Variants in ZNF106 observed in about 807,000 individuals in gnomAD.
The protein encoded by ZNF106 is zinc finger protein 106, also known as SH3-domain binding protein 3.
Under a neutral mutation model 195.1 loss-of-function variants are expected in ZNF106, and 67 were observed. That is an observed-to-expected ratio of 0.34 (90% confidence interval 0.28 to 0.42). The LOEUF (loss-of-function observed/expected upper bound fraction) is 0.42, where lower values mean the gene tolerates loss of function less well. Among genes scored for constraint, ZNF106 ranks in the 10% least tolerant of loss-of-function variants. The probability of loss-of-function intolerance (pLI) is 1.00; values close to 1 mark genes in which losing one functional copy is unlikely to be tolerated. For missense variants in ZNF106, 2,118 were observed against 2,304.5 expected (o/e 0.92, Z 1.66); for synonymous variants, 784 against 818.6 (o/e 0.96, Z 0.72).
Position 42,450,758 on chromosome 15 carries a change from GAAA to G in ZNF106, c.1511_1513del (p.Phe504del), listed in dbSNP as rs1198467282. 3 of 1,613,948 alleles carry G rather than the reference GAAA, an allele frequency of 1.9e-6. No individual in the cohort carries two copies. The highest frequency in any genetic ancestry group is 2.5e-6 in the Non-Finnish European group (3 of 1,179,972). On this transcript the variant is annotated inframe_deletion, in exon 5 of 22. Transcript: ENST00000564754. ...CGAGGGATTTGAGTGTTCTCCAGGGGAAAAAAAATTTGTTTTGGTGTTTTTTGA... is the reference window on the plus strand; with the variant it reads ...CGAGGGATTTGAGTGTTCTCCAGGGGAAAAATTTGTTTTGGTGTTTTTTGA...
intron 14 of ZNF106, among the ~76,000 whole-genome samples, chr15:42,433,585 T>G (rs1302872301): frequency 2.7e-5 from 4 of 148,120 alleles, no homozygotes; most frequent in Non-Finnish European, 4.5e-5. Flanking sequence ...TGGGTTCAAG[T>G]GATTCTCCAG....
chr15:42,466,220 C>A, intron 2 of ZNF106, 106 bp from the exon 3 acceptor site: 1 of 718,700 alleles, frequency 1.4e-6, no homozygotes, highest in Non-Finnish European at 2.1e-6. Context: ...CTCCTTATGT[C>A]AAAATGTGTT....
At chr15:42,471,731 C>A (rs1341244906) in intron 2 of ZNF106, among the ~76,000 whole-genome samples, 1 of 151,108 alleles carries the variant, frequency 6.6e-6, no homozygotes, top group African/African-American at 2.4e-5. Flanking sequence ...GTCTCCATTT[C>A]AAAAAAAAAG....
rs531354919 is a variant in ZNF106, at chr15:42,417,286, C to A, written c.*18G>T. On this transcript the variant is annotated 3_prime_UTR_variant, in exon 22 of 22. Transcript: ENST00000564754. ...AATAGTTCAACTAATGACTTCCCAA[C>A]GTGGGAGGCAAAAAACTTCATGAAT... 8.7e-6 allele frequency: 14 copies of A among 1,613,756 alleles called. No individual in the cohort carries two copies. The East Asian group carries it at 2.9e-4, about 33-fold the overall frequency.
At chr15:42,481,655 G>A (rs541369028) in intron 1 of ZNF106, among the ~76,000 whole-genome samples, 17 of 152,050 alleles carry the variant, frequency 1.1e-4, no homozygotes, top group African/African-American at 3.1e-4. Context: ...CACTACACCC[G>A]GTCCCATATT....
chr15:42,436,039 TG>T (rs1342251783), intron 13 of ZNF106, among the ~76,000 whole-genome samples: 1 of 151,702 alleles, frequency 6.6e-6, no homozygotes, highest in African/African-American at 2.4e-5. Flanking sequence ...CTGCAAGCTC[TG>T]CCTCCTGGGT....
chr15:42,429,349 G>T (rs2054972000), intron 14 of ZNF106, among the ~76,000 whole-genome samples: 5 of 151,674 alleles, frequency 3.3e-5, no homozygotes, highest in Middle Eastern at 6.8e-3. Flanking sequence ...TGAGGCAGGA[G>T]AACTGCTTGA....
In ZNF106 at chr15:42,450,387, T is replaced by C; in HGVS notation, c.1885A>G (p.Thr629Ala). 1 of 1,614,154 alleles carries C rather than the reference T, an allele frequency of 6.2e-7. No homozygotes were observed. The highest frequency in any genetic ancestry group is 1.3e-5 in the African/African-American group (1 of 75,030). The part of the protein sequence containing the change: ...DTEKHGTKIG[T>A]LGSATTELLS... ...AATTCTGTAGTTGCAGAACCTAGGG[T>C]TCCAATTTTTGTTCCATGCTTTTCC... The change falls in exon 5 of 22, where the codon ACC becomes GCC. Residue 629 changes from threonine to alanine, a missense_variant. Coordinates refer to ENST00000564754, the MANE Select transcript of ZNF106 (RefSeq NM_001366845.3).
chr15:42,439,555 G>A lies in ZNF106; in HGVS notation c.4022C>T (p.Ser1341Leu). ...GGGTTCCTTCTCCAAAGGGGTTTCT[G>A]AAGCAAAAGACAATCTTAGAAAAGA... ...TSSFLRLSFA[S>L]ETPLEKEPHS... Residue 1341 changes from serine (S) to leucine (L), a missense_variant, in exon 11 of 22, where the codon TCA becomes TTA. Transcript: ENST00000564754. The A allele has an allele frequency of 6.2e-7, 1 of 1,614,196 alleles. No homozygotes were observed. The highest frequency in any genetic ancestry group is 8.5e-7 in the Non-Finnish European group (1 of 1,180,036).
intron 13 of ZNF106, 78 bp from the exon 14 acceptor site, chr15:42,435,596 T>C: frequency 6.4e-7 from 1 of 1,561,954 alleles, no homozygotes; most frequent in East Asian, 2.2e-5. Flanking sequence ...AACAAAAAGA[T>C]GCTAAAACAT....
At chr15:42,468,064 A>G (rs2056565562) in intron 2 of ZNF106, among the ~76,000 whole-genome samples, 1 of 139,888 alleles carries the variant, frequency 7.1e-6, no homozygotes, top group Admixed American at 7.0e-5. Context: ...GTGATTCAAA[A>G]CGCCTTTTTT....
At chr15:42,474,338 T>C (rs1016955319) in intron 1 of ZNF106, among the ~76,000 whole-genome samples, 4 of 152,214 alleles carry the variant, frequency 2.6e-5, no homozygotes, top group African/African-American at 9.7e-5. Context: ...ACTAGTATAG[T>C]TCGGTCTAGC....
chr15:42,436,408 T>C (rs1020304287), intron 13 of ZNF106, among the ~76,000 whole-genome samples: 2 of 152,224 alleles, frequency 1.3e-5, no homozygotes, highest in Non-Finnish European at 2.9e-5. Context: ...GCTTCCTTTT[T>C]TCAGTCATTC....
At chr15:42,452,711 A>T in intron 4 of ZNF106, among the ~76,000 whole-genome samples, 1 of 128,544 alleles carries the variant, frequency 7.8e-6, no homozygotes. Flanking sequence ...TTTGAGACAG[A>T]GTCTTGCACT....
rs2054340894 is a variant in ZNF106 at position 42,413,571 on chromosome 15, T to C, written c.*3733A>G. 1.3e-5 allele frequency: 2 copies of C among 152,660 alleles called. No individual in the cohort carries two copies. The highest frequency in any genetic ancestry group is 2.9e-5 in the Non-Finnish European group (2 of 68,040). The allele number at this position is 152,660 out of a possible 1,614,324, so 9.5% of individuals were successfully genotyped here. A position where few individuals can be genotyped will look rare whatever the true frequency, so the allele number is the denominator to read the frequency against. ...ATAAAATAAACCATTCCACTAAGTATATACCTACTCCCACCAAATCATCCA... is the reference window on the plus strand; with the variant it reads ...ATAAAATAAACCATTCCACTAAGTACATACCTACTCCCACCAAATCATCCA... On this transcript the variant is annotated 3_prime_UTR_variant, in exon 22 of 22. Transcript: ENST00000564754.
intron 15 of ZNF106, among the ~76,000 whole-genome samples, chr15:42,426,250 C>G (rs12438240): frequency 0.069 from 10,550 of 152,194 alleles, 807 homozygotes; most frequent in Admixed American, 0.16. Flanking sequence ...AAATTCACAT[C>G]TATGCAGAGA....
chr15:42,476,816 G>A (rs1480070850), intron 1 of ZNF106, among the ~76,000 whole-genome samples: 10 of 152,012 alleles, frequency 6.6e-5, no homozygotes, highest in East Asian at 5.8e-4. Flanking sequence ...AAACCTGTGC[G>A]GTTCAAGGGT....
chr15:42,438,323 G>A (rs1393911239), intron 12 of ZNF106, among the ~76,000 whole-genome samples: 1 of 152,132 alleles, frequency 6.6e-6, no homozygotes, highest in African/African-American at 2.4e-5. Context: ...CCTGGGAGGT[G>A]GAAGTTGCAG....
intron 3 of ZNF106, among the ~76,000 whole-genome samples, chr15:42,459,533 G>T (rs948738529): frequency 1.3e-5 from 2 of 152,070 alleles, no homozygotes; most frequent in African/African-American, 2.4e-5. Context: ...GTTTACCAGG[G>T]ATACCGATAC....
Sources: gnomAD v4.1 joint callset for allele counts (sites outside exome capture counted in the v4.1 genomes callset) on GRCh38, gnomAD v4.1.1 for gene constraint, MANE v1.5 for transcripts, NCBI Gene and HGNC (gene_info 2026-07-23, HGNC 2026-07-21) for gene names.